Variants in SLC39A11 observed in about 807,000 individuals in gnomAD.
SLC39A11 encodes zinc transporter ZIP11.
In SLC39A11, 33 loss-of-function variants were observed where a neutral mutation model predicts 36.1. The observed-to-expected ratio is 0.91, with a 90% CI of 0.69 to 1.22. The LOEUF is 1.22. SLC39A11 is among the 50% of genes most tolerant of loss of function. The probability of loss-of-function intolerance (pLI) is 0.00; values close to 1 mark genes in which losing one functional copy is unlikely to be tolerated. For missense variants in SLC39A11, 432 were observed against 430.3 expected (o/e 1.00, Z -0.03); for synonymous variants, 166 against 170.3 (o/e 0.97, Z 0.20).
At chr17:72,899,108 A>T (rs577591953) in intron 5 of SLC39A11, among the ~76,000 whole-genome samples, 2 of 152,322 alleles carry the variant, frequency 1.3e-5, no homozygotes, top group Admixed American at 1.3e-4. Context: ...AAACGTGATG[A>T]CTTTCAGAGG....
chr17:72,801,802 A>C (rs2077093919), intron 6 of SLC39A11, among the ~76,000 whole-genome samples: 1 of 152,252 alleles, frequency 6.6e-6, no homozygotes, highest in Non-Finnish European at 1.5e-5. Context: ...CTATAAATTT[A>C]CTAAAAATCA....
At chr17:72,885,041 T>G (rs2081379359) in intron 5 of SLC39A11, among the ~76,000 whole-genome samples, 1 of 152,242 alleles carries the variant, frequency 6.6e-6, no homozygotes, top group Non-Finnish European at 1.5e-5. Context: ...TTTGTGTCTA[T>G]GTTTCTAGAG....
At chr17:73,062,469 A>AG (rs1335444231) in intron 3 of SLC39A11, among the ~76,000 whole-genome samples, 1 of 143,412 alleles carries the variant, frequency 7.0e-6, no homozygotes, top group Non-Finnish European at 1.5e-5. Context: ...CTCAAAAAAA[A>AG]AAAAAAAAAC....
At chr17:72,879,112 T>C (rs1283808279) in intron 5 of SLC39A11, among the ~76,000 whole-genome samples, 1 of 152,224 alleles carries the variant, frequency 6.6e-6, no homozygotes, top group Admixed American at 6.5e-5. Flanking sequence ...TCCACGCCCT[T>C]TCCAGGCACA....
Position 72,758,791 on chromosome 17 carries a change from C to T in SLC39A11, c.602-22072G>A, listed in dbSNP as rs1345096764. 2.0e-5 allele frequency among the ~76,000 whole-genome samples: 3 copies of T among 152,328 alleles called. No individual in the cohort carries two copies. In the East Asian group the frequency reaches 5.8e-4, roughly 29 times the overall value. On this transcript the variant is annotated intron_variant, in intron 6 of 9. Coordinates refer to ENST00000255559, the MANE Select transcript of SLC39A11 (RefSeq NM_139177.4). The stretch of plus-strand genomic sequence containing the variant: ...CCCCACCTGTGGAAGCCACAGCTGC[C>T]CAGATCGGTTGATACTTGCAGCCAG...
At chr17:73,004,232 A>AAAGAAAGAAAGAAAGAAAAGAAAAG in intron 4 of SLC39A11, among the ~76,000 whole-genome samples, 4 of 88,710 alleles carry the variant, frequency 4.5e-5, no homozygotes, top group Admixed American at 1.2e-4. Flanking sequence ...AGAAAGAAAG[A>AAAGAAAGAAAGAAAGAAAAGAAAAG]AAAGAAAGAA....
intron 5 of SLC39A11, among the ~76,000 whole-genome samples, chr17:72,864,618 C>T (rs934045310): frequency 6.6e-6 from 1 of 152,132 alleles, no homozygotes; most frequent in Non-Finnish European, 1.5e-5. Flanking sequence ...CTCCATTCTG[C>T]AAGGTGGAAC....
intron 3 of SLC39A11, among the ~76,000 whole-genome samples, chr17:73,044,288 T>C (rs190699473): frequency 6.6e-6 from 1 of 152,202 alleles, no homozygotes; most frequent in East Asian, 1.9e-4. Context: ...AAACTGGAAA[T>C]AACCCAAATG....
At chr17:72,788,705 C>T (rs1012617784) in intron 6 of SLC39A11, among the ~76,000 whole-genome samples, 1 of 152,204 alleles carries the variant, frequency 6.6e-6, no homozygotes, top group African/African-American at 2.4e-5. Context: ...TGACATGAGC[C>T]AATGGTATAC....
intron 6 of SLC39A11, among the ~76,000 whole-genome samples, chr17:72,789,062 G>A (rs2076609841): frequency 6.6e-6 from 1 of 150,560 alleles, no homozygotes; most frequent in South Asian, 2.1e-4. Flanking sequence ...TTGAGATGGA[G>A]TCTCATTCCA....
intron 7 of SLC39A11, among the ~76,000 whole-genome samples, chr17:72,717,529 C>T (rs1054976918): frequency 2.0e-5 from 3 of 152,172 alleles, no homozygotes; most frequent in African/African-American, 4.8e-5. Flanking sequence ...GCCTCCACTA[C>T]CACAAGGCCG....
In SLC39A11 at chr17:72,748,269, C is replaced by A. The variant is rs2075021568; in HGVS notation, c.602-11550G>T. Among the ~76,000 whole-genome samples the A allele has an allele frequency of 4.0e-5, 6 of 150,994 alleles. No homozygotes were observed. The South Asian group carries it at 1.3e-3, about 32-fold the overall frequency. ...CACGGGAGGTGGAGGTTGCAGTGAGCCGAGATCGCGCCATTGCCCTCCAGC... is the reference window on the plus strand; with the variant it reads ...CACGGGAGGTGGAGGTTGCAGTGAGACGAGATCGCGCCATTGCCCTCCAGC... On this transcript the variant is annotated intron_variant, in intron 6 of 9. Coordinates refer to ENST00000255559, the MANE Select transcript of SLC39A11 (RefSeq NM_139177.4).
chr17:72,787,231 C>T (rs1009901857), intron 6 of SLC39A11, among the ~76,000 whole-genome samples: 7 of 141,596 alleles, frequency 4.9e-5, no homozygotes, highest in African/African-American at 1.8e-4. Context: ...CCATTTGTCA[C>T]TTTGACTGCT....
At chr17:73,004,933 C>G (rs1318013794) in intron 4 of SLC39A11, among the ~76,000 whole-genome samples, 4 of 152,252 alleles carry the variant, frequency 2.6e-5, no homozygotes, top group African/African-American at 9.6e-5. Context: ...CCACGAAGAT[C>G]ACAGCACATA....
Position 73,088,708 on chromosome 17 carries a change from C to A in SLC39A11, c.57G>T (p.Trp19Cys), listed in dbSNP as rs1263574601. The change falls in exon 2 of 10, where the codon TGG becomes TGT. Residue 19 changes from tryptophan to cysteine, a missense_variant. Coordinates refer to ENST00000255559, the MANE Select transcript of SLC39A11 (RefSeq NM_139177.4). Reference protein sequence around the residue: ...FQALLGTFFTWGMTAAGAALV... With the variant: ...FQALLGTFFTCGMTAAGAALV... ...GAGCTGCCCCAGCTGCTGTCATCCCCCAGGTGAAGAAGGTCCCCAGCAAGG... is the reference window on the plus strand; with the variant it reads ...GAGCTGCCCCAGCTGCTGTCATCCCACAGGTGAAGAAGGTCCCCAGCAAGG... The A allele has an allele frequency of 1.2e-6, 2 of 1,612,686 alleles. No homozygotes were observed. Among genetic ancestry groups the A allele is most frequent in the Admixed American group, 1.7e-5 (1 of 59,882 alleles).
intron 4 of SLC39A11, among the ~76,000 whole-genome samples, chr17:73,004,232 A>AAAAG (rs59543378): frequency 0.26 from 23,180 of 88,380 alleles, 5,055 homozygotes; most frequent in South Asian, 0.35. Flanking sequence ...AGAAAGAAAG[A>AAAAG]AAAGAAAGAA....
intron 5 of SLC39A11, among the ~76,000 whole-genome samples, chr17:72,861,982 G>A (rs1445526338): frequency 2.6e-5 from 4 of 150,988 alleles, no homozygotes; most frequent in Non-Finnish European, 4.4e-5. Flanking sequence ...TGATAATAAA[G>A]GAAATGGTCA....
At chr17:72,695,570 C>T (rs2072256071) in intron 7 of SLC39A11, among the ~76,000 whole-genome samples, 1 of 152,106 alleles carries the variant, frequency 6.6e-6, no homozygotes, top group South Asian at 2.1e-4. Context: ...TGGTAGTCCC[C>T]AAAAGATAGC....
intron 6 of SLC39A11, among the ~76,000 whole-genome samples, chr17:72,807,648 C>G (rs1012407686): frequency 3.3e-5 from 5 of 152,170 alleles, no homozygotes; most frequent in African/African-American, 1.2e-4. Flanking sequence ...GGTGAACACA[C>G]GGAGGTGCTT....
Sources: allele counts gnomAD v4.1 joint callset (sites outside exome capture counted in the v4.1 genomes callset), GRCh38; gene constraint gnomAD v4.1.1; transcripts MANE v1.5; gene names NCBI Gene and HGNC (gene_info 2026-07-23, HGNC 2026-07-21).